Variants in EOGT observed in about 807,000 individuals in gnomAD.
EOGT encodes EGF domain specific O-linked N-acetylglucosamine transferase.
EOGT carries 55 observed loss-of-function variants against 70.5 expected under a neutral mutation model. That is an observed-to-expected ratio of 0.78 (90% confidence interval 0.63 to 0.98). The LOEUF is 0.98. Ranked by LOEUF, EOGT falls within the 50% of genes least tolerant of loss-of-function variation. The pLI is 0.00. For missense variants in EOGT, 703 were observed against 641.9 expected (o/e 1.10, Z -1.03); for synonymous variants, 246 against 217.1 (o/e 1.13, Z -1.17).
chr3:68,977,919 T>G (rs1283008533), intron 17 of EOGT, among the ~76,000 whole-genome samples, 155 bp from the exon 18 acceptor site: 3 of 152,214 alleles, frequency 2.0e-5, no homozygotes, highest in African/African-American at 7.2e-5. Flanking sequence ...TGATAAATAT[T>G]TTCAGCTCTG....
chr3:69,011,501 G>A (rs1324340559), intron 3 of EOGT, among the ~76,000 whole-genome samples: 1 of 150,922 alleles, frequency 6.6e-6, no homozygotes, highest in Non-Finnish European at 1.5e-5. Flanking sequence ...CAGCTGAAGT[G>A]GGAGGATCAC....
rs557994649 is a variant in EOGT at position 69,010,747 on chromosome 3, TGAG to T, written c.-14-890_-14-888del. Reference sequence around the variant, plus strand: ...AACATTAAAGCTGAGATCTGAATGATGAGGAGGGGAAAAGTATCTGTGAGAGAG... The same window carrying T: ...AACATTAAAGCTGAGATCTGAATGATGAGGGGAAAAGTATCTGTGAGAGAG... On this transcript the variant is annotated intron_variant, in intron 3 of 17. Transcript: ENST00000383701. Among the ~76,000 whole-genome samples the T allele has an allele frequency of 1.7e-3, 255 of 152,210 alleles. 1 individual carries two copies. The highest frequency in any genetic ancestry group is 5.9e-3 in the African/African-American group (243 of 41,522).
intron 10 of EOGT, among the ~76,000 whole-genome samples, 169 bp from the exon 11 acceptor site, chr3:68,989,186 G>A (rs2090905176): frequency 6.6e-6 from 1 of 152,134 alleles, no homozygotes; most frequent in Non-Finnish European, 1.5e-5. Flanking sequence ...CAGAGCAAAT[G>A]CCTAATTTGA....
chr3:68,980,044 A>G (rs940786373), intron 15 of EOGT, among the ~76,000 whole-genome samples: 1 of 152,204 alleles, frequency 6.6e-6, no homozygotes, highest in African/African-American at 2.4e-5. Flanking sequence ...AAACTTTAAT[A>G]TCTGTCTTAA....
intron 14 of EOGT, among the ~76,000 whole-genome samples, chr3:68,986,367 A>G (rs1575723617): frequency 6.6e-6 from 1 of 152,056 alleles, no homozygotes; most frequent in Non-Finnish European, 1.5e-5. Flanking sequence ...TATTCTACCA[A>G]CAACGCCCTG....
chr3:69,003,500 C>T (rs186746301), intron 8 of EOGT, among the ~76,000 whole-genome samples: 6 of 152,260 alleles, frequency 3.9e-5, no homozygotes, highest in African/African-American at 7.2e-5. Context: ...TCATGTAAGA[C>T]GTGCCTTTGT....
intron 7 of EOGT, 55 bp downstream of exon 7, chr3:69,005,085 G>T: frequency 1.9e-6 from 2 of 1,040,320 alleles, no homozygotes; most frequent in South Asian, 1.5e-5. Context: ...AAAATCCCTG[G>T]ATCTGAAAAT....
chr3:68,994,839 C>A (rs1410331868), intron 10 of EOGT, among the ~76,000 whole-genome samples: 3 of 152,152 alleles, frequency 2.0e-5, no homozygotes, highest in African/African-American at 4.8e-5. Flanking sequence ...CTTCTCAGCA[C>A]AAGCAAATGT....
At chr3:68,987,802 T>C (rs2090859711) in intron 13 of EOGT, 2 of 461,536 alleles carry the variant, frequency 4.3e-6, no homozygotes, top group East Asian at 7.9e-5. Flanking sequence ...GTGAGGGAGA[T>C]ATAACCAATG....
rs565966315 is a variant in EOGT at position 69,001,525 on chromosome 3, A to C, written c.727+83T>G. ...CTGTTTGTCATACTGCTTCCAAAAAATTCAGAGAGAATTACTACATCCAAA... is the reference window on the plus strand; with the variant it reads ...CTGTTTGTCATACTGCTTCCAAAAACTTCAGAGAGAATTACTACATCCAAA... On this transcript the variant is annotated intron_variant, in intron 9 of 17. Transcript: ENST00000383701. 5.9e-5 allele frequency: 54 copies of C among 919,574 alleles called. No homozygotes were observed. The Admixed American group carries it at 1.1e-3, about 19-fold the overall frequency. 57.0% of individuals were successfully genotyped at this position (919,574 alleles called of 1,614,324 possible).
chr3:69,007,860 T>A (rs2091479103), intron 5 of EOGT, 39 bp from the exon 6 acceptor site: 3 of 1,467,026 alleles, frequency 2.0e-6, no homozygotes, highest in Non-Finnish European at 2.8e-6. Context: ...TTTTTCTTTT[T>A]ACTTTTTTGG....
chr3:69,009,933 C>CAACAAAAAAAAAAAAAAAAAA, intron 3 of EOGT, 73 bp from the exon 4 acceptor site: 3 of 255,196 alleles, frequency 1.2e-5, no homozygotes, highest in East Asian at 4.5e-5. Context: ...ACAACAACAA[C>CAACAAAAAAAAAAAAAAAAAA]AAAAAAAAAA....
chr3:69,008,234 C>T (rs977299199), intron 5 of EOGT, among the ~76,000 whole-genome samples, 194 bp downstream of exon 5: 4 of 152,204 alleles, frequency 2.6e-5, no homozygotes, highest in Non-Finnish European at 4.4e-5. Flanking sequence ...CTGTTTCTCC[C>T]TCTGGCAGAG....
At chr3:68,982,521 AAAAC>A (rs769683131) in intron 15 of EOGT, among the ~76,000 whole-genome samples, 17 of 152,142 alleles carry the variant, frequency 1.1e-4, no homozygotes, top group African/African-American at 2.7e-4. Context: ...TTCTGTCTCA[AAAAC>A]AAACAAACAA....
At position 68,987,498 on chromosome 3, in the gene EOGT, C is replaced by T; in HGVS notation, c.1099G>A (p.Val367Ile). Residue 367 changes from valine (V) to isoleucine (I), a missense_variant, in exon 14 of 18, where the codon GTC becomes ATC. By Grantham distance (29) the Val-to-Ile change is conservative (BLOSUM62 3). Coordinates refer to ENST00000383701, the MANE Select transcript of EOGT (RefSeq NM_001278689.2). ...QEGPKDGKIRVTILARSTEYR... is the reference protein window; with the variant it reads ...QEGPKDGKIRITILARSTEYR... ...TCTGTGCTCCGTGCAAGAATGGTGA[C>T]TCGAATTTTTCCATCCTGTAATCAA... The T allele has an allele frequency of 6.2e-7, 1 of 1,613,710 alleles. No individual in the cohort carries two copies. The highest frequency in any genetic ancestry group is 8.5e-7 in the Non-Finnish European group (1 of 1,179,756).
chr3:68,980,929 T>C (rs2090622258), intron 15 of EOGT, among the ~76,000 whole-genome samples: 1 of 152,148 alleles, frequency 6.6e-6, no homozygotes, highest in African/African-American at 2.4e-5. Flanking sequence ...AACATATCCT[T>C]AAAAGCCAGT....
intron 10 of EOGT, among the ~76,000 whole-genome samples, chr3:68,993,824 G>A (rs972733871): frequency 1.3e-5 from 2 of 152,154 alleles, no homozygotes; most frequent in African/African-American, 4.8e-5. Flanking sequence ...GTGGCAGCAA[G>A]GGAAAATGAG....
At chr3:68,977,881 C>T in intron 17 of EOGT, 117 bp from the exon 18 acceptor site, 1 of 1,067,200 alleles carries the variant, frequency 9.4e-7, no homozygotes, top group Non-Finnish European at 1.3e-6. Flanking sequence ...CATCAGAGAC[C>T]AGCAAACTTT....
chr3:69,006,460 G>A (rs184350057), intron 6 of EOGT, among the ~76,000 whole-genome samples: 1 of 152,292 alleles, frequency 6.6e-6, no homozygotes, highest in Non-Finnish European at 1.5e-5. Context: ...GGAGACCCCT[G>A]AGATGTCAGA....
Sources: gnomAD v4.1 joint callset for allele counts (sites outside exome capture counted in the v4.1 genomes callset) on GRCh38, gnomAD v4.1.1 for gene constraint, MANE v1.5 for transcripts, NCBI Gene and HGNC (gene_info 2026-07-23, HGNC 2026-07-21) for gene names.